The following ST6GALNAC5 variants were observed in gnomAD, a reference collection of about 807,000 sequenced individuals.
ST6GALNAC5 encodes ST6 N-acetylgalactosaminide alpha-2,6-sialyltransferase 5.
In ST6GALNAC5, 27 loss-of-function variants were observed where a neutral mutation model predicts 33.6. That is an observed-to-expected ratio of 0.80 (90% CI 0.59 to 1.11). The LOEUF is 1.11. Ranked by LOEUF, ST6GALNAC5 falls within the 50% of genes least tolerant of loss-of-function variation. The pLI is 0.00. For missense variants in ST6GALNAC5, 428 were observed against 454.0 expected, an observed-to-expected ratio of 0.94 and a Z score of 0.52; for synonymous variants, 194 against 171.2, an observed-to-expected ratio of 1.13 and a Z score of -1.04.
At position 76,868,701 on chromosome 1, in the gene ST6GALNAC5, C is replaced by G. The variant is rs771521310; in HGVS notation, c.220C>G (p.Pro74Ala). 1.3e-6 allele frequency: 2 copies of G among 1,535,772 alleles called. No individual in the cohort carries two copies. Among genetic ancestry groups the G allele is most frequent in the Non-Finnish European group, 1.8e-6 (2 of 1,142,086 alleles). Reference protein sequence around the residue: ...TQQRPGVPAGPRPLDGYLGVA... With the variant: ...TQQRPGVPAGARPLDGYLGVA... ...GCAGCGCCCCGGGGTCCCCGCGGGA[C>G]CGCGGCCACTGGACGGATACCTCGG... The change falls in exon 2 of 5, where the codon CCG (proline) becomes GCG (alanine). Residue 74 changes from proline (P) to alanine (A), a missense_variant. Physicochemically the swap from Pro to Ala is conservative, Grantham distance 27 (BLOSUM62 -1). Coordinates refer to ENST00000477717, the MANE Select transcript of ST6GALNAC5 (RefSeq NM_030965.3). This position sits in a 1 kb window ranked among gnomAD's most constrained non-coding sequence, Gnocchi z 4.3.
At chr1:76,877,588 T>C (rs987697907) in intron 2 of ST6GALNAC5, among the ~76,000 whole-genome samples, 3 of 152,328 alleles carry the variant, frequency 2.0e-5, no homozygotes, top group Middle Eastern at 3.4e-3. Flanking sequence ...CCTAGAAATT[T>C]TACTGAGGTA....
chr1:76,886,417 C>T (rs192741242), intron 2 of ST6GALNAC5, among the ~76,000 whole-genome samples: 1 of 152,152 alleles, frequency 6.6e-6, no homozygotes, highest in East Asian at 1.9e-4. Context: ...GCTATTCTTC[C>T]AGTCTATGGG....
At chr1:77,053,359 G>T (rs1652291315) in intron 4 of ST6GALNAC5, among the ~76,000 whole-genome samples, 1 of 152,168 alleles carries the variant, frequency 6.6e-6, no homozygotes, top group Non-Finnish European at 1.5e-5. Context: ...CTCCCTGAGG[G>T]CAGAGTTCTG....
At chr1:76,940,999 T>TC (rs2100324337) in intron 2 of ST6GALNAC5, among the ~76,000 whole-genome samples, 1 of 152,186 alleles carries the variant, frequency 6.6e-6, no homozygotes, top group Admixed American at 6.5e-5. Context: ...ATAAAATTAG[T>TC]ATGTAAATTG....
chr1:76,938,891 T>G (rs139640900), intron 2 of ST6GALNAC5, among the ~76,000 whole-genome samples: 1 of 152,290 alleles, frequency 6.6e-6, no homozygotes, highest in African/African-American at 2.4e-5. Flanking sequence ...TTATTAATTT[T>G]TAATTATTTA....
chr1:77,062,708 T>TA (rs1403321669), intron 4 of ST6GALNAC5, among the ~76,000 whole-genome samples: 1 of 152,144 alleles, frequency 6.6e-6, no homozygotes, highest in Admixed American at 6.6e-5. Context: ...TGTGACTTAT[T>TA]AATATGTAGG....
intron 2 of ST6GALNAC5, among the ~76,000 whole-genome samples, chr1:77,042,065 A>G (rs1256583569): frequency 1.3e-5 from 2 of 152,200 alleles, no homozygotes; most frequent in Admixed American, 6.5e-5. Context: ...ACCGCCTTAC[A>G]GTGTGATCTT....
chr1:76,886,122 G>T (rs892103464), intron 2 of ST6GALNAC5, among the ~76,000 whole-genome samples: 57 of 152,240 alleles, frequency 3.7e-4, no homozygotes, highest in African/African-American at 1.3e-3. Flanking sequence ...CCACCATATA[G>T]TAAAGGTTTA....
intron 2 of ST6GALNAC5, among the ~76,000 whole-genome samples, chr1:76,974,765 C>CT (rs1557743811): frequency 2.1e-5 from 1 of 47,062 alleles, no homozygotes; most frequent in Non-Finnish European, 4.3e-5. Context: ...TAAGTTTTTT[C>CT]TTTCTTTCTT....
intron 2 of ST6GALNAC5, among the ~76,000 whole-genome samples, chr1:76,915,923 T>A (rs1424382407): frequency 6.9e-6 from 1 of 144,680 alleles, no homozygotes; most frequent in African/African-American, 2.6e-5. Flanking sequence ...ATAATAATAA[T>A]AATTTTTTTC....
chr1:76,965,960 G>A (rs1364182741), intron 2 of ST6GALNAC5, among the ~76,000 whole-genome samples: 1 of 152,130 alleles, frequency 6.6e-6, no homozygotes, highest in Non-Finnish European at 1.5e-5. Flanking sequence ...TGCTCCATTG[G>A]TCTATATATC....
intron 2 of ST6GALNAC5, among the ~76,000 whole-genome samples, chr1:76,983,427 A>G (rs1396884270): frequency 1.3e-5 from 2 of 152,226 alleles, no homozygotes; most frequent in Non-Finnish European, 2.9e-5. Context: ...ACACCATTAC[A>G]TAATGGTAAA....
chr1:77,050,985 C>G (rs749296096), intron 4 of ST6GALNAC5, among the ~76,000 whole-genome samples: 2 of 152,196 alleles, frequency 1.3e-5, no homozygotes, highest in Admixed American at 6.5e-5. Flanking sequence ...TTTTTGGAAG[C>G]CTGCTTGAAA....
At chr1:76,970,565 C>A (rs535619637) in intron 2 of ST6GALNAC5, among the ~76,000 whole-genome samples, 16 of 152,068 alleles carry the variant, frequency 1.1e-4, no homozygotes, top group Admixed American at 9.2e-4. Flanking sequence ...TGTGAAAAGA[C>A]CAAATCTATG....
At chr1:76,974,917 C>G (rs1218364112) in intron 2 of ST6GALNAC5, among the ~76,000 whole-genome samples, 1 of 150,586 alleles carries the variant, frequency 6.6e-6, no homozygotes, top group African/African-American at 2.4e-5. Flanking sequence ...TCCTGAGTAG[C>G]TGGGATTACA....
intron 2 of ST6GALNAC5, among the ~76,000 whole-genome samples, chr1:76,917,967 G>C (rs1033841625): frequency 6.6e-6 from 1 of 152,152 alleles, no homozygotes; most frequent in Admixed American, 6.5e-5. Context: ...TTAGGGAGCA[G>C]AGTAAGCTTT....
chr1:76,884,948 A>G (rs781753134), intron 2 of ST6GALNAC5, among the ~76,000 whole-genome samples: 33 of 152,282 alleles, frequency 2.2e-4, no homozygotes, highest in Non-Finnish European at 1.3e-4. Context: ...GATGAGCAAG[A>G]TCAGGTCCTC....
intron 2 of ST6GALNAC5, among the ~76,000 whole-genome samples, chr1:76,872,299 G>A (rs1653529066): frequency 6.6e-6 from 1 of 152,052 alleles, no homozygotes; most frequent in African/African-American, 2.4e-5. Flanking sequence ...TAGAGGACAG[G>A]CTCTTATCAC....
intron 4 of ST6GALNAC5, 65 bp from the exon 5 acceptor site, chr1:77,062,910 C>G (rs961921024): frequency 8.6e-7 from 1 of 1,163,314 alleles, no homozygotes; most frequent in Admixed American, 1.8e-5. Flanking sequence ...TAACATCTTA[C>G]CTCAATCAGT....
Sources: gnomAD v4.1 joint callset for allele counts (sites outside exome capture counted in the v4.1 genomes callset) on GRCh38, gnomAD v4.1.1 for gene constraint, Gnocchi (gnomAD v3.1) non-coding constraint, MANE v1.5 for transcripts, NCBI Gene and HGNC (gene_info 2026-07-23, HGNC 2026-07-21) for gene names.